MS4A4E: variants seen among roughly 807,000 people sequenced by gnomAD.
MS4A4E encodes membrane spanning 4-domains A4E.
In MS4A4E, 23 loss-of-function variants were observed where a neutral mutation model predicts 13.3. That is an observed-to-expected ratio of 1.73 (90% CI 1.25 to 2.45). The LOEUF (loss-of-function observed/expected upper bound fraction) is 2.45. MS4A4E is among the 30% of genes most tolerant of loss of function. MS4A4E has a pLI of 0.00. For synonymous variants in MS4A4E, 36 were observed against 45.6 expected, an observed-to-expected ratio of 0.79 and a Z score of 0.85; for missense variants, 144 against 131.2, an observed-to-expected ratio of 1.10 and a Z score of -0.48.
intron 1 of MS4A4E, among the ~76,000 whole-genome samples, chr11:60,230,312 C>T (rs938918354): frequency 6.6e-6 from 1 of 152,080 alleles, no homozygotes; most frequent in Admixed American, 6.5e-5. Context: ...GACATGTTGA[C>T]AGAAGTGAGG....
intron 1 of MS4A4E, among the ~76,000 whole-genome samples, chr11:60,233,596 T>C (rs2084440782): frequency 6.6e-6 from 1 of 152,226 alleles, no homozygotes; most frequent in Non-Finnish European, 1.5e-5. Flanking sequence ...TACCTGTGCC[T>C]GGAAGGCACA....
rs372429465 is a variant in MS4A4E at position 60,211,155 on chromosome 11, G to A, written c.381+1819C>T. Among the ~76,000 whole-genome samples, 27 of 152,210 alleles carry A rather than the reference G, an allele frequency of 1.8e-4. 1 individual carries two copies. In the East Asian group the frequency reaches 4.8e-3, roughly 27 times the overall value. On this transcript the variant is annotated intron_variant, in intron 5 of 8. Coordinates refer to ENST00000651255, the MANE Select transcript of MS4A4E (RefSeq NM_001393391.1). ...TAAACTAAAAGTAAGGTTCTTCTTC[G>A]GGATAGCAATAGCAAATAAGAGGGA...
At chr11:60,206,468 C>T (rs2084043680) in intron 6 of MS4A4E, among the ~76,000 whole-genome samples, 1 of 6,532 alleles carries the variant, frequency 1.5e-4, no homozygotes, top group South Asian at 9.1e-3. Flanking sequence ...TATATACACA[C>T]ACACACATAT....
intron 8 of MS4A4E, among the ~76,000 whole-genome samples, chr11:60,204,179 A>G (rs1380034030): frequency 6.6e-6 from 1 of 152,214 alleles, no homozygotes; most frequent in East Asian, 1.9e-4. Context: ...CAGGAGATGT[A>G]AGGACTTCTA....
chr11:60,233,973 G>T (rs1261882172), intron 1 of MS4A4E, among the ~76,000 whole-genome samples: 1 of 152,224 alleles, frequency 6.6e-6, no homozygotes, highest in East Asian at 1.9e-4. Context: ...TTCAGGACAT[G>T]GAGTCAAAGG....
intron 4 of MS4A4E, among the ~76,000 whole-genome samples, 185 bp downstream of exon 4, chr11:60,214,386 C>T (rs768810812): frequency 2.0e-5 from 3 of 152,086 alleles, no homozygotes; most frequent in South Asian, 2.1e-4. Flanking sequence ...ACAAAATATC[C>T]ATTATTATGT....
chr11:60,236,438 G>GT (rs202109280), intron 1 of MS4A4E, among the ~76,000 whole-genome samples: 8 of 151,636 alleles, frequency 5.3e-5, no homozygotes, highest in Admixed American at 2.6e-4. Flanking sequence ...CTGAATATGA[G>GT]TTTTTTTTCA....
chr11:60,232,999 T>A (rs1479529603), intron 1 of MS4A4E, among the ~76,000 whole-genome samples: 1 of 152,062 alleles, frequency 6.6e-6, no homozygotes, highest in Admixed American at 6.5e-5. Context: ...TTGAGCTACG[T>A]CACCCCACCA....
At chr11:60,217,967 G>A (rs989806010) in intron 3 of MS4A4E, among the ~76,000 whole-genome samples, 57 of 152,134 alleles carry the variant, frequency 3.7e-4, no homozygotes, top group African/African-American at 1.2e-3. Flanking sequence ...CCGGTGAGCC[G>A]GGCAGAACAG....
chr11:60,220,008 C>T (rs2084248309), intron 3 of MS4A4E, among the ~76,000 whole-genome samples: 2 of 152,222 alleles, frequency 1.3e-5, no homozygotes, highest in Admixed American at 6.5e-5. Flanking sequence ...GACCCCCACA[C>T]TGGCCCCTGA....
At chr11:60,213,287 C>T (rs1370645963) in intron 4 of MS4A4E, 155 bp from the exon 5 acceptor site, 4 of 1,535,416 alleles carry the variant, frequency 2.6e-6, no homozygotes, top group African/African-American at 2.7e-5. Flanking sequence ...CGCCAAAACA[C>T]AAATATGATC....
chr11:60,208,625 C>A lies in MS4A4E; in HGVS notation c.451G>T (p.Gly151Ter), dbSNP rs554361372. The A allele has an allele frequency of 8.1e-4, 1,180 of 1,464,578 alleles. 2 individuals are homozygous for A. The highest frequency in any genetic ancestry group is 1.0e-3 in the Non-Finnish European group (1,104 of 1,052,426). 90.7% of individuals were successfully genotyped at this position (1,464,578 alleles called of 1,614,324 possible). A position where few individuals can be genotyped will look rare whatever the true frequency, so the allele number is the denominator to read the frequency against. Residue 151 changes from glycine (G) to a stop codon, truncating the protein, a stop_gained, in exon 6 of 9, where the codon GGA becomes TGA. Coordinates refer to ENST00000651255, the MANE Select transcript of MS4A4E (RefSeq NM_001393391.1). LOFTEE classifies it high-confidence loss of function. ...GGGCTACAACAAAGCACTTTACATC[C>A]AAAGGCAGAGAGGGCCACAGCAATG... ...FCIAVALSAF[G>*]CKVLCCSPSE... is the part of the protein sequence containing the mutation.
At chr11:60,207,869 G>A (rs2084067676) in intron 6 of MS4A4E, among the ~76,000 whole-genome samples, 1 of 152,206 alleles carries the variant, frequency 6.6e-6, no homozygotes, top group Non-Finnish European at 1.5e-5. Context: ...CTCAGGGTAA[G>A]AGAGTGGGCA....
At chr11:60,216,607 A>T (rs1024813177) in intron 3 of MS4A4E, among the ~76,000 whole-genome samples, 3 of 150,476 alleles carry the variant, frequency 2.0e-5, no homozygotes, top group African/African-American at 7.3e-5. Flanking sequence ...TATATATATT[A>T]TATATATAGG....
intron 1 of MS4A4E, among the ~76,000 whole-genome samples, chr11:60,240,048 T>C (rs764545994): frequency 3.9e-5 from 6 of 152,218 alleles, no homozygotes; most frequent in Non-Finnish European, 7.3e-5. Flanking sequence ...TCAGTCTTCC[T>C]CAAAATTTAT....
At chr11:60,211,911 G>A (rs1012100611) in intron 5 of MS4A4E, among the ~76,000 whole-genome samples, 8 of 152,102 alleles carry the variant, frequency 5.3e-5, no homozygotes, top group Non-Finnish European at 8.8e-5. Flanking sequence ...TCCAGCCTGG[G>A]CAACAAGAGT....
intron 3 of MS4A4E, among the ~76,000 whole-genome samples, chr11:60,219,795 C>G (rs1360192654): frequency 6.6e-6 from 1 of 152,186 alleles, no homozygotes; most frequent in Non-Finnish European, 1.5e-5. Context: ...GACACTGACT[C>G]TGAGCTGACA....
chr11:60,224,786 G>A (rs1274147437), intron 3 of MS4A4E, among the ~76,000 whole-genome samples: 1 of 151,968 alleles, frequency 6.6e-6, no homozygotes, highest in Non-Finnish European at 1.5e-5. Flanking sequence ...TAATCGCCTA[G>A]CTTTAAGTTT....
intron 1 of MS4A4E, among the ~76,000 whole-genome samples, chr11:60,238,884 C>T (rs2084515222): frequency 6.6e-6 from 1 of 152,204 alleles, no homozygotes; most frequent in African/African-American, 2.4e-5. Context: ...GGATTCCTCC[C>T]TAACTGATTC....
Sources: allele counts gnomAD v4.1 joint callset (sites outside exome capture counted in the v4.1 genomes callset), GRCh38; gene constraint gnomAD v4.1.1; transcripts MANE v1.5; gene names NCBI Gene and HGNC (gene_info 2026-07-23, HGNC 2026-07-21).